The following SPECC1L variants were observed in gnomAD, a reference collection of about 807,000 sequenced individuals.
SPECC1L encodes cytospin-A.
Under a neutral mutation model 116.8 loss-of-function variants are expected in SPECC1L, and 40 were observed. That is an observed-to-expected ratio of 0.34 (90% confidence interval 0.27 to 0.45). The LOEUF (loss-of-function observed/expected upper bound fraction) is 0.45, where lower values mean the gene tolerates loss of function less well. Ranked by LOEUF, SPECC1L falls within the 20% of genes least tolerant of loss-of-function variation. The pLI is 1.00. For synonymous variants in SPECC1L, 504 were observed against 500.6 expected (o/e 1.01, Z -0.09); for missense variants, 1,110 against 1,373.6 (o/e 0.81, Z 3.03).
At chr22:24,275,357 C>T (rs1229314633) in intron 1 of SPECC1L, among the ~76,000 whole-genome samples, 5 of 152,182 alleles carry the variant, frequency 3.3e-5, no homozygotes, top group African/African-American at 1.2e-4. Context: ...CCCAGTAGTG[C>T]GTACCAACTT....
At chr22:24,279,796 C>T (rs1477995162) in intron 2 of SPECC1L, among the ~76,000 whole-genome samples, 3 of 152,076 alleles carry the variant, frequency 2.0e-5, no homozygotes, top group Admixed American at 2.0e-4. Flanking sequence ...GTTGCTCAGG[C>T]TGGTCTTCTG....
chr22:24,324,120 C>T (rs1292415829), intron 5 of SPECC1L, 100 bp from the exon 6 acceptor site: 2 of 956,432 alleles, frequency 2.1e-6, no homozygotes, highest in Non-Finnish European at 3.4e-6. Context: ...CATAGTGCCT[C>T]ATACTTAGCT....
intron 11 of SPECC1L, among the ~76,000 whole-genome samples, chr22:24,354,394 G>A (rs916094999): frequency 2.6e-5 from 4 of 152,096 alleles, no homozygotes; most frequent in African/African-American, 9.7e-5. Flanking sequence ...TTATTTATAT[G>A]TATTATTCTA....
At chr22:24,299,961 A>G (rs746021643) in intron 2 of SPECC1L, among the ~76,000 whole-genome samples, 15 of 152,218 alleles carry the variant, frequency 9.9e-5, no homozygotes, top group Admixed American at 3.3e-4. Flanking sequence ...TAGATAATTT[A>G]TATAAATGGA....
intron 13 of SPECC1L, among the ~76,000 whole-genome samples, chr22:24,366,139 A>C (rs2041759584): frequency 6.6e-6 from 1 of 152,022 alleles, no homozygotes; most frequent in Non-Finnish European, 1.5e-5. Context: ...TACCTACCAT[A>C]TCAAGGAACA....
chr22:24,276,882 TATC>T (rs1266731567), intron 2 of SPECC1L, 79 bp downstream of exon 2: 2 of 374,060 alleles, frequency 5.3e-6, no homozygotes, highest in African/African-American at 2.1e-5. Context: ...GGTGTCTCCT[TATC>T]ATGGTTTGGT....
intron 14 of SPECC1L, among the ~76,000 whole-genome samples, chr22:24,382,049 T>G (rs1353339918): frequency 6.6e-6 from 1 of 152,152 alleles, no homozygotes; most frequent in Admixed American, 6.5e-5. Flanking sequence ...CTCAGTAAAG[T>G]AAAATTTTTG....
intron 10 of SPECC1L, among the ~76,000 whole-genome samples, chr22:24,339,304 G>A (rs1340097851): frequency 4.6e-5 from 7 of 152,212 alleles, no homozygotes; most frequent in African/African-American, 1.7e-4. Context: ...TTTAATCCAA[G>A]CAAGTCACAG....
rs1300800185 is a variant in SPECC1L at position 24,321,347 on chromosome 22, A to G, written c.367A>G (p.Arg123Gly). The G allele has an allele frequency of 6.2e-7, 1 of 1,614,268 alleles. No individual in the cohort carries two copies. The highest frequency in any genetic ancestry group is 1.1e-5 in the South Asian group (1 of 91,090). ...AGGTAATAAAGAATCCAGTTCTACT[A>G]GAGAAAGATTACGTGAACGTACCCG... The part of the protein sequence containing the change: ...STGNKESSST[R>G]ERLRERTRLN... The change falls in exon 5 of 17, where the codon AGA becomes GGA. Residue 123 changes from arginine (R) to glycine (G), a missense_variant. By Grantham distance (125) the Arg-to-Gly change is moderately radical. Around this residue, in one of 4 missense-constraint regions of SPECC1L, gnomAD observed 437 missense variants for 482.6 expected, o/e 0.91. Transcript: ENST00000314328.
chr22:24,327,912 G>A (rs917893673), intron 6 of SPECC1L, among the ~76,000 whole-genome samples: 1 of 152,174 alleles, frequency 6.6e-6, no homozygotes, highest in Non-Finnish European at 1.5e-5. Context: ...CAACAGCCAG[G>A]GATCTACTGG....
intron 13 of SPECC1L, among the ~76,000 whole-genome samples, chr22:24,368,333 G>A (rs1288452062): frequency 2.6e-5 from 4 of 152,136 alleles, no homozygotes; most frequent in Admixed American, 2.6e-4. Context: ...TGGCACGATG[G>A]TGCTCCATAA....
At chr22:24,376,915 T>G (rs1221199043) in intron 14 of SPECC1L, among the ~76,000 whole-genome samples, 1 of 152,156 alleles carries the variant, frequency 6.6e-6, no homozygotes, top group Non-Finnish European at 1.5e-5. Flanking sequence ...GTTTTTGTTT[T>G]TTTTTTAAGT....
intron 10 of SPECC1L, among the ~76,000 whole-genome samples, chr22:24,340,670 T>G (rs1476050832): frequency 6.6e-6 from 1 of 152,180 alleles, no homozygotes; most frequent in Non-Finnish European, 1.5e-5. Flanking sequence ...AAACTAATAC[T>G]TATGAGCTAC....
At chr22:24,380,080 A>G (rs2042037558) in intron 14 of SPECC1L, among the ~76,000 whole-genome samples, 1 of 152,188 alleles carries the variant, frequency 6.6e-6, no homozygotes, top group African/African-American at 2.4e-5. Flanking sequence ...CATGTTTGCC[A>G]GGCTGGTCTT....
At chr22:24,364,273 G>C (rs891144606) in intron 12 of SPECC1L, among the ~76,000 whole-genome samples, 3 of 152,204 alleles carry the variant, frequency 2.0e-5, no homozygotes, top group Non-Finnish European at 4.4e-5. Context: ...TACTATGCCA[G>C]ACTTCAGAAT....
intron 13 of SPECC1L, among the ~76,000 whole-genome samples, chr22:24,367,984 GTTCCACT>G (rs1211869499): frequency 1.3e-5 from 2 of 152,150 alleles, no homozygotes; most frequent in Non-Finnish European, 2.9e-5. Flanking sequence ...TTGGTGTTCT[GTTCCACT>G]TCCAGAGTGT....
chr22:24,393,902 A>T (rs2042318303), intron 14 of SPECC1L, among the ~76,000 whole-genome samples: 1 of 151,970 alleles, frequency 6.6e-6, no homozygotes, highest in Admixed American at 6.6e-5. Context: ...TATTGTTTGT[A>T]TTTGTTATAG....
intron 14 of SPECC1L, among the ~76,000 whole-genome samples, chr22:24,390,867 C>CTTTT (rs1556306072): frequency 5.5e-4 from 26 of 47,584 alleles, no homozygotes; most frequent in African/African-American, 1.3e-3. Context: ...TTTTTTTTTT[C>CTTTT]TTTTCTTTTT....
intron 4 of SPECC1L, among the ~76,000 whole-genome samples, chr22:24,318,508 G>A (rs1251683968): frequency 2.0e-5 from 3 of 152,212 alleles, no homozygotes; most frequent in African/African-American, 7.2e-5. Context: ...GAGGGAGACC[G>A]TGGAAAGAGG....
Sources: allele counts gnomAD v4.1 joint callset (sites outside exome capture counted in the v4.1 genomes callset), GRCh38; gene constraint gnomAD v4.1.1; regional missense constraint gnomAD v4.1.1; transcripts MANE v1.5; gene names NCBI Gene and HGNC (gene_info 2026-07-23, HGNC 2026-07-21).